MMEL1: variants seen among roughly 807,000 people sequenced by gnomAD.
MMEL1 encodes the protein membrane metalloendopeptidase like 1.
MMEL1 carries 98 observed loss-of-function variants against 117.1 expected under a neutral mutation model. The observed-to-expected ratio is 0.84, with a 90% CI of 0.71 to 0.99. The LOEUF (loss-of-function observed/expected upper bound fraction) is 0.99. Among genes scored for constraint, MMEL1 ranks in the 50% least tolerant of loss-of-function variants. The pLI is 0.00. For missense variants in MMEL1, 1,014 were observed against 1,049.1 expected (o/e 0.97, Z 0.46); for synonymous variants, 390 against 415.1 (o/e 0.94, Z 0.74).
At chr1:2,600,373 A>T (rs1488792229) in intron 11 of MMEL1, among the ~76,000 whole-genome samples, 1 of 152,148 alleles carries the variant, frequency 6.6e-6, no homozygotes, top group African/African-American at 2.4e-5. Flanking sequence ...AAAAGCAAAC[A>T]TGAAATAAAG....
chr1:2,591,996 T>C lies in MMEL1; in HGVS notation c.2099A>G (p.Lys700Arg). Residue 700 changes from lysine (K) to arginine (R), a missense_variant, in exon 22 of 24, where the codon AAG becomes AGG. Transcript: ENST00000378412. ...ATCCAGGCCGGGCAGCTGCTGGTCC[T>C]TGCCACCCTCTGCCATCCACTTGAG... ...AYLKWMAEGG[K>R]DQQLPGLDLT... is the part of the protein sequence containing the mutation. The C allele has an allele frequency of 6.2e-7, 1 of 1,613,280 alleles. No homozygotes were observed. The highest frequency in any genetic ancestry group is 8.5e-7 in the Non-Finnish European group (1 of 1,179,830).
intron 1 of MMEL1, among the ~76,000 whole-genome samples, chr1:2,631,296 G>A (rs1412292556): frequency 1.3e-5 from 2 of 152,132 alleles, no homozygotes; most frequent in Admixed American, 1.3e-4. Flanking sequence ...TGGGAGCAGC[G>A]AAAGGAAGCC....
Position 2,606,284 on chromosome 1 carries a change from C to G in MMEL1, c.714G>C (p.Trp238Cys). Residue 238 changes from tryptophan (W) to cysteine (C), a missense_variant, in exon 8 of 24, where the codon TGG (tryptophan) becomes TGC (cysteine). Trp to Cys is a radical substitution (Grantham distance 215, BLOSUM62 -2). Transcript: ENST00000378412. Reference protein sequence around the residue: ...NRRVLIDLFIWNDDQNSSRHI... With the variant: ...NRRVLIDLFICNDDQNSSRHI... ...GCCGGCTGGAGTTCTGGTCGTCGTT[C>G]CAGATGAAGAGGTCGATGAGGACGC... 6.2e-7 allele frequency: 1 copy of G among 1,613,314 alleles called. No individual in the cohort carries two copies. The highest frequency in any genetic ancestry group is 8.5e-7 in the Non-Finnish European group (1 of 1,179,966).
chr1:2,593,691 GA>G (rs1644781310), intron 19 of MMEL1, 122 bp downstream of exon 19: 2 of 1,345,420 alleles, frequency 1.5e-6, no homozygotes, highest in South Asian at 3.4e-5. Flanking sequence ...GCTCCCTGAG[GA>G]CCTGGCCTCG....
intron 2 of MMEL1, among the ~76,000 whole-genome samples, chr1:2,613,230 G>A (rs968809630): frequency 6.6e-6 from 1 of 152,240 alleles, no homozygotes; most frequent in African/African-American, 2.4e-5. Flanking sequence ...GTAAAGTGCT[G>A]AAGGGCAAGG....
rs1443257141 is a variant in MMEL1, at chr1:2,612,021, G to A, written c.232+106C>T. 1.0e-6 allele frequency: 1 copy of A among 977,368 alleles called. No homozygotes were observed. Among genetic ancestry groups the A allele is most frequent in the Admixed American group, 2.1e-5 (1 of 47,450 alleles). 60.5% of individuals were successfully genotyped at this position (977,368 alleles called of 1,614,324 possible). On this transcript the variant is annotated intron_variant, in intron 3 of 23. Transcript: ENST00000378412. This position sits in a 1 kb window ranked among gnomAD's most constrained non-coding sequence, Gnocchi z 5.4. Reference sequence around the variant, plus strand: ...TCCCCATGGCCCTCCTCCGGCACATGAGGGTTGGGCAGAACCCAGCCCCTG... The same window carrying A: ...TCCCCATGGCCCTCCTCCGGCACATAAGGGTTGGGCAGAACCCAGCCCCTG...
chr1:2,598,820 G>A, intron 11 of MMEL1, 30 bp from the exon 12 acceptor site: 1 of 1,575,764 alleles, frequency 6.3e-7, no homozygotes, highest in Non-Finnish European at 8.7e-7. Context: ...GGAGAAAGAG[G>A]GAGAGAGAGA....
chr1:2,611,158 C>T (rs1645119147), intron 4 of MMEL1, 123 bp downstream of exon 4: 4 of 992,922 alleles, frequency 4.0e-6, no homozygotes, highest in Non-Finnish European at 4.4e-6. Context: ...CCGGCCCACC[C>T]GGCTCCACCG....
chr1:2,609,481 T>A lies in MMEL1; in HGVS notation c.455-62A>T, dbSNP rs1645091757. ...GAGGCTGCAGGGGCCAGGTCACAGG[T>A]CCCTACACCCCCTGAAGTGCTCGGC... On this transcript the variant is annotated intron_variant, in intron 5 of 23. Transcript: ENST00000378412. The A allele has an allele frequency of 1.9e-6, 3 of 1,552,836 alleles. No homozygotes were observed. In the East Asian group the frequency reaches 6.9e-5, roughly 36 times the overall value.
intron 6 of MMEL1, 97 bp downstream of exon 6, chr1:2,609,242 A>C: frequency 1.7e-6 from 2 of 1,210,012 alleles, no homozygotes; most frequent in East Asian, 2.5e-5. Flanking sequence ...CTCCTACCCT[A>C]GGGGCAGCCA....
rs575065732 is a variant in MMEL1, at chr1:2,595,063, A to G, written c.1585-170T>C. The stretch of plus-strand genomic sequence containing the variant: ...GGCAGCCCTGGCTGTGGGCATTTAC[A>G]TGACTCTGAGCAAGTCCCTCGTCCC... On this transcript the variant is annotated intron_variant, in intron 16 of 23. Coordinates refer to ENST00000378412, the MANE Select transcript of MMEL1 (RefSeq NM_033467.4). This position sits in a 1 kb window ranked among gnomAD's most constrained non-coding sequence, Gnocchi z 4.8. Among the ~76,000 whole-genome samples, 5 of 152,024 alleles carry G rather than the reference A, an allele frequency of 3.3e-5. No homozygotes were observed. The South Asian group carries it at 1.0e-3, about 32-fold the overall frequency.
chr1:2,594,290 GC>G, intron 18 of MMEL1, 94 bp downstream of exon 18: 7 of 1,292,642 alleles, frequency 5.4e-6, no homozygotes, highest in Non-Finnish European at 7.7e-6. Context: ...AGGCTGGGGT[GC>G]CCCCAGGAGG....
In MMEL1 at chr1:2,629,399, A is replaced by T; in HGVS notation, c.86T>A (p.Leu29Gln). Residue 29 changes from leucine (L) to glutamine (Q), a missense_variant, in exon 2 of 24, where the codon CTG becomes CAG. Leu to Gln is a moderately radical substitution (Grantham distance 113, BLOSUM62 -2). Transcript: ENST00000378412. Reference protein sequence around the residue: ...QKRPGFLEGGLLLLLLLVTAA... With the variant: ...QKRPGFLEGGQLLLLLLVTAA... Reference sequence around the variant, plus strand: ...GGTCACCAGCAGCAGCAGCAGCAGCAGCCCCCCCTCCAGGAACCCCGGGCG... The same window carrying T: ...GGTCACCAGCAGCAGCAGCAGCAGCTGCCCCCCCTCCAGGAACCCCGGGCG... The T allele has an allele frequency of 6.5e-7, 1 of 1,545,876 alleles. No individual in the cohort carries two copies. The highest frequency in any genetic ancestry group is 8.7e-7 in the Non-Finnish European group (1 of 1,146,084).
Position 2,598,800 on chromosome 1 carries a change from G to GAGGAAGTGGGGAGAAAGAGGGC in MMEL1, c.1042-11_1042-10insGCCCTCTTTCTCCCCACTTCCT. The GAGGAAGTGGGGAGAAAGAGGGC allele has an allele frequency of 6.2e-7, 1 of 1,605,586 alleles. No homozygotes were observed. The highest frequency in any genetic ancestry group is 8.5e-7 in the Non-Finnish European group (1 of 1,173,218). On this transcript the variant is annotated splice_polypyrimidine_tract_variant and intron_variant, in intron 11 of 23. Coordinates refer to ENST00000378412, the MANE Select transcript of MMEL1 (RefSeq NM_033467.4). Reference sequence around the variant, plus strand: ...GAGTCCAGTTAAATCCCTGCAGATAGAGGAAGTGGGGAGAAAGAGGGAGAG... The same window carrying GAGGAAGTGGGGAGAAAGAGGGC: ...GAGTCCAGTTAAATCCCTGCAGATAGAGGAAGTGGGGAGAAAGAGGGCAGGAAGTGGGGAGAAAGAGGGAGAG...
At chr1:2,620,351 G>A (rs373696585) in intron 2 of MMEL1, among the ~76,000 whole-genome samples, 17 of 152,248 alleles carry the variant, frequency 1.1e-4, no homozygotes, top group South Asian at 4.2e-4. Flanking sequence ...AAGGACGAGC[G>A]CTAAATAAAG....
In MMEL1 at chr1:2,598,766, G is replaced by A. The variant is rs763326883; in HGVS notation, c.1066C>T (p.Gln356Ter). The A allele has an allele frequency of 1.4e-5, 23 of 1,613,900 alleles. No homozygotes were observed. In the South Asian group the frequency reaches 2.4e-4, roughly 17 times the overall value. Residue 356 changes from glutamine to a stop codon, truncating the protein, a stop_gained, in exon 12 of 24, where the codon CAA becomes TAA. Transcript: ENST00000378412. LOFTEE classifies it high-confidence loss of function. ...ATTTTGACAGAGGATAGCACAGTTT[G>A]TATGAACAGAGTCCAGTTAAATCCC... is the stretch of plus-strand genomic sequence containing the variant. Reference protein sequence around the residue: ...LKGFNWTLFIQTVLSSVKIKL... With the variant: ...LKGFNWTLFI
intron 2 of MMEL1, among the ~76,000 whole-genome samples, chr1:2,617,736 G>A (rs1339695833): frequency 6.6e-6 from 1 of 152,146 alleles, no homozygotes; most frequent in Non-Finnish European, 1.5e-5. Context: ...ACTGGCATTC[G>A]ACAGCTCTGT....
At position 2,609,811 on chromosome 1, in the gene MMEL1, TG is replaced by T. The variant is rs1645098663; in HGVS notation, c.312del (p.Asn104LysfsTer25). The T allele has an allele frequency of 6.2e-7, 1 of 1,611,478 alleles. No individual in the cohort carries two copies. The highest frequency in any genetic ancestry group is 8.5e-7 in the Non-Finnish European group (1 of 1,178,752). On this transcript the variant is annotated frameshift_variant, in exon 5 of 24. Transcript: ENST00000378412. LOFTEE classifies it high-confidence loss of function. ...TCACACGGTTCCGTGGTCGGGTCCA[TG>T]TTCTGGAGGATCCTGGCAGCTGCTC... ...CVIAAARILQ[N>X]MDPTTEPCDD...
chr1:2,615,956 A>T (rs1645193713), intron 2 of MMEL1, among the ~76,000 whole-genome samples: 1 of 152,232 alleles, frequency 6.6e-6, no homozygotes, highest in African/African-American at 2.4e-5. Flanking sequence ...AAATACAAAG[A>T]AAACCATCCA....
Sources: gnomAD v4.1 joint callset for allele counts (sites outside exome capture counted in the v4.1 genomes callset) on GRCh38, gnomAD v4.1.1 for gene constraint, Gnocchi (gnomAD v3.1) non-coding constraint, MANE v1.5 for transcripts, NCBI Gene and HGNC (gene_info 2026-07-23, HGNC 2026-07-21) for gene names.